The following ERAS variants were observed in gnomAD, a reference collection of about 807,000 sequenced individuals.
ERAS encodes the protein ES cell expressed Ras, also known as GTPase ERas.
For synonymous variants in ERAS, 87 were observed against 89.1 expected, an observed-to-expected ratio of 0.98 and a Z score of 0.13; for missense variants, 137 against 199.2, an observed-to-expected ratio of 0.69 and a Z score of 1.88.
chrX:48,829,539 G>C lies in ERAS; in HGVS notation c.416G>C (p.Gly139Ala). The C allele has an allele frequency of 1.7e-6, 2 of 1,212,083 alleles. No individual in the cohort carries two copies. Among genetic ancestry groups the C allele is most frequent in the South Asian group, 1.8e-5 (1 of 57,002 alleles). The change falls in exon 2 of 2, where the codon GGC (glycine) becomes GCC (alanine). Residue 139 changes from glycine to alanine, a missense_variant. Physicochemically the swap from Gly to Ala is moderately conservative, Grantham distance 60. Coordinates refer to ENST00000636362, the MANE Select transcript of ERAS (RefSeq NM_181532.3). ...CTGCAGCAGATATGGGCCACCTGGGGCCCTCACCCCGCCCAGCCCCTTGTC... is the reference window on the plus strand; with the variant it reads ...CTGCAGCAGATATGGGCCACCTGGGCCCCTCACCCCGCCCAGCCCCTTGTC... ...IQLQQIWATW[G>A]PHPAQPLVLV...
In ERAS at chrX:48,829,397, A is replaced by G; in HGVS notation, c.274A>G (p.Asn92Asp). The G allele has an allele frequency of 8.3e-7, 1 of 1,209,028 alleles. No individual in the cohort carries two copies. Residue 92 changes from asparagine (N) to aspartate (D), a missense_variant, in exon 2 of 2, where the codon AAT becomes GAT. By Grantham distance (23) the Asn-to-Asp change is conservative. Transcript: ENST00000636362. ...LTLDSGDCIL[N>D]VLDTAGQAIH... ...CCTGGACAGTGGGGACTGCATTCTG[A>G]ATGTGCTGGACACAGCAGGGCAGGC...
intron 1 of ERAS, among the ~76,000 whole-genome samples, chrX:48,828,670 A>G (rs1172277937): frequency 2.7e-5 from 3 of 111,252 alleles, no homozygotes; most frequent in South Asian, 7.6e-4. Flanking sequence ...TCCCTCTGTC[A>G]TGGGGAGGAA....
At chrX:48,827,652 T>C (rs1557032778) in intron 1 of ERAS, among the ~76,000 whole-genome samples, 1 of 110,699 alleles carries the variant, frequency 9.0e-6, no homozygotes, top group African/African-American at 3.3e-5. Context: ...CGGAGGGGAG[T>C]CGTGGCAACA....
intron 1 of ERAS, among the ~76,000 whole-genome samples, chrX:48,828,173 T>C (rs1238737653): frequency 9.1e-6 from 1 of 109,565 alleles, no homozygotes; most frequent in Non-Finnish European, 1.9e-5. Flanking sequence ...ATTACAGGCG[T>C]CCACCACCAC....
intron 1 of ERAS, 150 bp downstream of exon 1, chrX:48,826,699 A>G (rs1325760968): frequency 8.9e-6 from 1 of 111,788 alleles, no homozygotes; most frequent in African/African-American, 3.2e-5. Context: ...CTTGGCTGGA[A>G]GCGGGGCCGC....
Position 48,829,432 on chromosome X carries a change from G to A in ERAS, c.309G>A (p.Arg103=), listed in dbSNP as rs2063166707. The change falls in exon 2 of 2, where the codon AGG becomes AGA. Residue 103 remains arginine (R), a synonymous_variant. Transcript: ENST00000636362. ...VLDTAGQAIH[R]ALRDQCLAVC... ...ACACAGCAGGGCAGGCCATCCATAG[G>A]GCCCTGCGTGACCAGTGCCTGGCTG... 1 of 1,207,864 alleles carries A rather than the reference G, an allele frequency of 8.3e-7. No homozygotes were observed. The highest frequency in any genetic ancestry group is 1.7e-5 in the African/African-American group (1 of 57,563).
At chrX:48,826,996 G>A (rs2063161504) in intron 1 of ERAS, among the ~76,000 whole-genome samples, 1 of 112,671 alleles carries the variant, frequency 8.9e-6, no homozygotes, top group African/African-American at 3.2e-5. Context: ...TGAGAGGACC[G>A]AGCCCCCAAT....
At chrX:48,826,936 GC>G (rs2063161134) in intron 1 of ERAS, among the ~76,000 whole-genome samples, 1 of 112,852 alleles carries the variant, frequency 8.9e-6, no homozygotes, top group South Asian at 3.6e-4. Context: ...CCTGGTCCCA[GC>G]GGCTCTGAGC....
chrX:48,829,040 C>G (rs781891384), intron 1 of ERAS, 41 bp from the exon 2 acceptor site: 1 of 856,441 alleles, frequency 1.2e-6, no homozygotes, highest in African/African-American at 2.1e-5. Flanking sequence ...TCTCCCCTAA[C>G]GTATCCCCTG....
At chrX:48,828,183 C>T (rs1298794109) in intron 1 of ERAS, among the ~76,000 whole-genome samples, 1 of 110,122 alleles carries the variant, frequency 9.1e-6, no homozygotes, top group Non-Finnish European at 1.9e-5. Context: ...TCCACCACCA[C>T]TCCTGGCTAA....
At chrX:48,826,928 T>C (rs2063161098) in intron 1 of ERAS, among the ~76,000 whole-genome samples, 1 of 112,633 alleles carries the variant, frequency 8.9e-6, no homozygotes, top group Admixed American at 9.2e-5. Flanking sequence ...CCCCCCAACC[T>C]GGTCCCAGCG....
chrX:48,827,648 G>C (rs2063162864), intron 1 of ERAS, among the ~76,000 whole-genome samples: 2 of 111,961 alleles, frequency 1.8e-5, no homozygotes, highest in Non-Finnish European at 3.8e-5. Flanking sequence ...CTTTCGGAGG[G>C]GAGTCGTGGC....
chrX:48,829,045 C>A, intron 1 of ERAS, 36 bp from the exon 2 acceptor site: 1 of 881,521 alleles, frequency 1.1e-6, no homozygotes, highest in Non-Finnish European at 1.5e-6. Flanking sequence ...CCTAACGTAT[C>A]CCCTGTTGTC....
rs782652137 is a variant in ERAS, at chrX:48,829,509, T to G, written c.386T>G (p.Ile129Ser). 8.2e-7 allele frequency: 1 copy of G among 1,212,215 alleles called. No homozygotes were observed. The highest frequency in any genetic ancestry group is 3.0e-5 in the East Asian group (1 of 33,848). The stretch of plus-strand genomic sequence containing the variant: ...GCTCTCGATGACCCCTCGTCTCTGA[T>G]CCAGCTGCAGCAGATATGGGCCACC... ...VFALDDPSSL[I>S]QLQQIWATWG... The change falls in exon 2 of 2, where the codon ATC (isoleucine) becomes AGC (serine). Residue 129 changes from isoleucine (I) to serine (S), a missense_variant. Coordinates refer to ENST00000636362, the MANE Select transcript of ERAS (RefSeq NM_181532.3).
chrX:48,829,028 G>T, intron 1 of ERAS, 53 bp from the exon 2 acceptor site: 1 of 706,775 alleles, frequency 1.4e-6, no homozygotes, highest in Non-Finnish European at 2.0e-6. Flanking sequence ...GCCCTCAAAT[G>T]GTCTCCCCTA....
chrX:48,828,762 G>C (rs2058463184), intron 1 of ERAS: 1 of 158,031 alleles, frequency 6.3e-6, no homozygotes, highest in Non-Finnish European at 1.2e-5. Flanking sequence ...ACAACTTCGT[G>C]AATATGCTAA....
rs782703176 is a variant in ERAS at position 48,829,464 on chromosome X, A to G, written c.341A>G (p.Asp114Gly). Residue 114 changes from aspartate to glycine, a missense_variant, in exon 2 of 2, where the codon GAT (aspartate) becomes GGT (glycine). Transcript: ENST00000636362. Reference sequence around the variant, plus strand: ...CGTGACCAGTGCCTGGCTGTCTGTGATGGTGTGCTGGGCGTCTTCGCTCTC... The same window carrying G: ...CGTGACCAGTGCCTGGCTGTCTGTGGTGGTGTGCTGGGCGTCTTCGCTCTC... ...ALRDQCLAVC[D>G]GVLGVFALDD... is the part of the protein sequence containing the mutation. The G allele has an allele frequency of 8.3e-7, 1 of 1,211,372 alleles. No homozygotes were observed.
chrX:48,829,798 C>A lies in ERAS; in HGVS notation c.675C>A (p.Thr225=). 8.6e-7 allele frequency: 1 copy of A among 1,167,113 alleles called. No individual in the cohort carries two copies. Among genetic ancestry groups the A allele is most frequent in the Admixed American group, 2.5e-5 (1 of 40,310 alleles). ...CREKTRHQKA[T]CHCGCSVA ...AGAAGACCCGGCACCAGAAGGCCACCTGCCACTGTGGCTGCTCTGTGGCCT... is the reference window on the plus strand; with the variant it reads ...AGAAGACCCGGCACCAGAAGGCCACATGCCACTGTGGCTGCTCTGTGGCCT... Residue 225 remains threonine (T), a synonymous_variant, in exon 2 of 2, where the codon ACC becomes ACA. Transcript: ENST00000636362.
chrX:48,827,150 C>G (rs1437237199), intron 1 of ERAS, among the ~76,000 whole-genome samples: 3 of 111,777 alleles, frequency 2.7e-5, no homozygotes, highest in Non-Finnish European at 5.7e-5. Flanking sequence ...AGTGTGGCCC[C>G]GTCCCGCCAG....
Sources: gnomAD v4.1 joint callset for allele counts (sites outside exome capture counted in the v4.1 genomes callset) on GRCh38, gnomAD v4.1.1 for gene constraint, MANE v1.5 for transcripts, NCBI Gene and HGNC (gene_info 2026-07-23, HGNC 2026-07-21) for gene names.